The following SLC9B2 variants were observed in gnomAD, a reference collection of about 807,000 sequenced individuals.
SLC9B2 encodes sodium/hydrogen exchanger 9B2.
SLC9B2 carries 39 observed loss-of-function variants against 52.2 expected under a neutral mutation model. That is an observed-to-expected ratio of 0.75 (90% CI 0.58 to 0.98). SLC9B2 has a LOEUF of 0.98. Among genes scored for constraint, SLC9B2 ranks in the 50% least tolerant of loss-of-function variants. The probability of loss-of-function intolerance (pLI) is 0.00; values close to 1 mark genes in which losing one functional copy is unlikely to be tolerated. For synonymous variants in SLC9B2, 214 were observed against 227.0 expected (o/e 0.94, Z 0.51); for missense variants, 626 against 637.5 (o/e 0.98, Z 0.19).
chr4:103,028,882 G>A lies in SLC9B2; in HGVS notation c.1257C>T (p.Gly419=), dbSNP rs756258609. 2 of 1,554,936 alleles carry A rather than the reference G, an allele frequency of 1.3e-6. No homozygotes were observed. The highest frequency in any genetic ancestry group is 1.7e-6 in the Non-Finnish European group (2 of 1,159,486). ...CAATGCCTACGGTGGCAACACAAAG[G>A]CCTGTAAGAAATATTCAATTTTTAG... ...SIASLRPETV[G]LCVATVGIAV... Residue 419 remains glycine, a splice_region_variant and synonymous_variant, in exon 11 of 12, where the codon GGC becomes GGT. Coordinates refer to ENST00000394785, the MANE Select transcript of SLC9B2 (RefSeq NM_178833.7).
intron 6 of SLC9B2, 73 bp from the exon 7 acceptor site, chr4:103,047,299 A>C (rs1744240083): frequency 2.3e-6 from 3 of 1,304,228 alleles, no homozygotes; most frequent in Non-Finnish European, 3.1e-6. Flanking sequence ...AATGCCCTCC[A>C]CTTTTTAGGG....
chr4:103,063,673 C>G (rs1202697384), intron 3 of SLC9B2, among the ~76,000 whole-genome samples: 1 of 152,026 alleles, frequency 6.6e-6, no homozygotes, highest in Non-Finnish European at 1.5e-5. Flanking sequence ...AAAATATAGG[C>G]AACAAAAGCA....
rs144308644 is a variant in SLC9B2 at position 103,069,150 on chromosome 4, A to C, written c.-42-1558T>G. Among the ~76,000 whole-genome samples the C allele has an allele frequency of 2.1e-3, 318 of 152,330 alleles. 2 individuals are homozygous for C. Among genetic ancestry groups the C allele is most frequent in the African/African-American group, 7.3e-3 (305 of 41,588 alleles). On this transcript the variant is annotated intron_variant, in intron 1 of 11. Transcript: ENST00000394785. ...AACTTATTTCAAAATTTAGACTGAT[A>C]ATAAAAAAGTCACTTGATGAGAAAA...
intron 4 of SLC9B2, among the ~76,000 whole-genome samples, chr4:103,052,036 T>G (rs1402096757): frequency 6.6e-6 from 1 of 152,236 alleles, no homozygotes; most frequent in Non-Finnish European, 1.5e-5. Flanking sequence ...AGTATTTAAG[T>G]GCCTGCTACA....
At chr4:103,019,724 A>C (rs1334235274), downstream of SLC9B2, 1 of 985,434 alleles carries the variant, frequency 1.0e-6, no homozygotes, top group Non-Finnish European at 1.2e-6. Context: ...ACTTCCGCGC[A>C]GGGGCGGGGC....
chr4:103,058,043 A>G, intron 3 of SLC9B2, 72 bp from the exon 4 acceptor site: 2 of 1,307,310 alleles, frequency 1.5e-6, no homozygotes, highest in Non-Finnish European at 2.1e-6. Context: ...ATCTAAAATA[A>G]TTTGTAAAAA....
At position 103,047,216 on chromosome 4, in the gene SLC9B2, C is replaced by A. The variant is rs761301698; in HGVS notation, c.724G>T (p.Gly242Cys). ...QWGFILGFVL[G>C]AVSPAVVVPS... Reference sequence around the variant, plus strand: ...ACCACAACAGCTGGAGATACAGCACCTAAAACAAAACTAGGCAGACAGCAT... The same window carrying A: ...ACCACAACAGCTGGAGATACAGCACATAAAACAAAACTAGGCAGACAGCAT... The change falls in exon 7 of 12, where the codon GGT becomes TGT. Residue 242 changes from glycine (G) to cysteine (C), a missense_variant. Physicochemically the swap from Gly to Cys is radical, Grantham distance 159. Coordinates refer to ENST00000394785, the MANE Select transcript of SLC9B2 (RefSeq NM_178833.7). 1 of 1,612,028 alleles carries A rather than the reference C, an allele frequency of 6.2e-7. No individual in the cohort carries two copies. Among genetic ancestry groups the A allele is most frequent in the Non-Finnish European group, 8.5e-7 (1 of 1,179,024 alleles).
intron 9 of SLC9B2, among the ~76,000 whole-genome samples, chr4:103,038,714 T>C (rs1485638487): frequency 1.3e-5 from 2 of 152,218 alleles, no homozygotes; most frequent in Non-Finnish European, 2.9e-5. Context: ...GTTGGATATC[T>C]ACTTAAGTTT....
Position 103,067,508 on chromosome 4 carries a change from G to T in SLC9B2, c.43C>A (p.Pro15Thr). The T allele has an allele frequency of 6.2e-7, 1 of 1,613,380 alleles. No homozygotes were observed. Among genetic ancestry groups the T allele is most frequent in the Non-Finnish European group, 8.5e-7 (1 of 1,179,518 alleles). ...GGCGTGTAATTCATTCCTGTGGATGGTTCTGAATCTTCATATGTAATTCTT... is the reference window on the plus strand; with the variant it reads ...GGCGTGTAATTCATTCCTGTGGATGTTTCTGAATCTTCATATGTAATTCTT... ...DKRITYEDSE[P>T]STGMNYTPSM... is the part of the protein sequence containing the mutation. The change falls in exon 2 of 12, where the codon CCA (proline) becomes ACA (threonine). Residue 15 changes from proline (P) to threonine (T), a missense_variant. Physicochemically the swap from Pro to Thr is conservative, Grantham distance 38. Transcript: ENST00000394785.
rs1747200036 is a variant in SLC9B2, at chr4:103,076,618, G to A, written c.-477C>T. On this transcript the variant is annotated 5_prime_UTR_variant, in exon 1 of 12. Transcript: ENST00000394785. ...TGGGCCCACGTCCCGGGGCCTCGGA[G>A]CGGCACCGCGCGGTCTTTCAGCTGC... 6.6e-6 allele frequency: 1 copy of A among 152,410 alleles called. No individual in the cohort carries two copies. Among genetic ancestry groups the A allele is most frequent in the African/African-American group, 2.4e-5 (1 of 41,592 alleles). 9.4% of individuals were successfully genotyped at this position (152,410 alleles called of 1,614,324 possible). A position where few individuals can be genotyped will look rare whatever the true frequency, so the allele number is the denominator to read the frequency against.
At chr4:103,027,670 T>C (rs186754657) in intron 11 of SLC9B2, among the ~76,000 whole-genome samples, 189 of 152,256 alleles carry the variant, frequency 1.2e-3, no homozygotes, top group African/African-American at 4.3e-3. Flanking sequence ...AACTACTAGT[T>C]GCTCACAAAA....
At chr4:103,059,311 C>T (rs1035957896) in intron 3 of SLC9B2, among the ~76,000 whole-genome samples, 2 of 152,148 alleles carry the variant, frequency 1.3e-5, no homozygotes, top group Non-Finnish European at 2.9e-5. Flanking sequence ...TTTCCTACTT[C>T]AAGATGGAAA....
intron 9 of SLC9B2, among the ~76,000 whole-genome samples, chr4:103,032,557 A>C (rs1742800510): frequency 6.6e-6 from 1 of 152,110 alleles, no homozygotes. Context: ...TTGCAAGCTG[A>C]AGGTGCTTTT....
rs1015433884 is a variant in SLC9B2 at position 103,048,908 on chromosome 4, C to T, written c.698G>A (p.Trp233Ter). 6.2e-7 allele frequency: 1 copy of T among 1,613,668 alleles called. No homozygotes were observed. ...CAATCATTACCCCAGTATAAATCCC[C>T]ATTGCCATGGTAAACCCAGCAGGTA... ...AHYLLGLPWQ[W>*]GFILGFVLGA... Residue 233 changes from tryptophan to a stop codon, truncating the protein, a stop_gained, in exon 6 of 12, where the codon TGG becomes TAG. Coordinates refer to ENST00000394785, the MANE Select transcript of SLC9B2 (RefSeq NM_178833.7). LOFTEE classifies it high-confidence loss of function.
chr4:103,026,590 G>T lies in SLC9B2; in HGVS notation c.1394C>A (p.Ala465Asp), dbSNP rs781352055. 1 of 1,605,112 alleles carries T rather than the reference G, an allele frequency of 6.2e-7. No individual in the cohort carries two copies. Among genetic ancestry groups the T allele is most frequent in the Admixed American group, 1.7e-5 (1 of 59,066 alleles). The change falls in exon 12 of 12, where the codon GCT becomes GAT. Residue 465 changes from alanine to aspartate, a missense_variant and splice_region_variant. By Grantham distance (126) the Ala-to-Asp change is moderately radical. Coordinates refer to ENST00000394785, the MANE Select transcript of SLC9B2 (RefSeq NM_178833.7). ...FAWLPKATVQ[A>D]AIGSVALDTA... is the part of the protein sequence containing the mutation. ...GTCCAAAGCCACAGATCCTATTGCA[G>T]CCTATAAAAGTTTAAGGGTAAAAAT...
At chr4:103,061,500 G>A (rs1423467932) in intron 3 of SLC9B2, among the ~76,000 whole-genome samples, 1 of 152,096 alleles carries the variant, frequency 6.6e-6, no homozygotes, top group Non-Finnish European at 1.5e-5. Context: ...CACACACCGG[G>A]GCCTGTTGTG....
At chr4:103,031,097 G>A (rs545983035) in intron 10 of SLC9B2, among the ~76,000 whole-genome samples, 191 of 152,264 alleles carry the variant, frequency 1.3e-3, no homozygotes, top group Non-Finnish European at 2.3e-3. Flanking sequence ...ATGAGAAAAG[G>A]AAAGAATCCA....
intron 2 of SLC9B2, 102 bp from the exon 3 acceptor site, chr4:103,066,609 C>A: frequency 9.0e-7 from 1 of 1,116,474 alleles, no homozygotes; most frequent in Non-Finnish European, 1.2e-6. Flanking sequence ...CTATGACTAG[C>A]ATCAAGGATA....
At chr4:103,021,912 G>T (rs1235318452), downstream of SLC9B2, among the ~76,000 whole-genome samples, 1 of 152,152 alleles carries the variant, frequency 6.6e-6, no homozygotes, top group African/African-American at 2.4e-5. Flanking sequence ...CATCCATCCA[G>T]ATCCTCTCCA....
Sources: allele counts gnomAD v4.1 joint callset (sites outside exome capture counted in the v4.1 genomes callset), GRCh38; gene constraint gnomAD v4.1.1; transcripts MANE v1.5; gene names NCBI Gene and HGNC (gene_info 2026-07-23, HGNC 2026-07-21).